ISLR2: variants seen among roughly 807,000 people sequenced by gnomAD.
ISLR2 encodes the protein immunoglobulin superfamily containing leucine rich repeat 2.
Under a neutral mutation model 25.5 loss-of-function variants are expected in ISLR2, and 16 were observed. The ratio of observed to expected loss-of-function variants is 0.63; its 90% CI spans 0.43 to 0.95. ISLR2 has a LOEUF of 0.95. Among genes scored for constraint, ISLR2 ranks in the 40% least tolerant of loss-of-function variants. ISLR2 has a pLI of 0.00. For synonymous variants in ISLR2, 508 were observed against 486.6 expected (o/e 1.04, Z -0.58); for missense variants, 883 against 1,030.7 (o/e 0.86, Z 1.96).
Position 74,133,950 on chromosome 15 carries a change from C to T in ISLR2, c.1196C>T (p.Ser399Phe). 6.2e-7 allele frequency: 1 copy of T among 1,607,638 alleles called. No homozygotes were observed. Among genetic ancestry groups the T allele is most frequent in the Non-Finnish European group, 8.5e-7 (1 of 1,177,266 alleles). Residue 399 changes from serine to phenylalanine, a missense_variant, in exon 3 of 3, where the codon TCC (serine) becomes TTC (phenylalanine). Ser to Phe is a radical substitution (Grantham distance 155, BLOSUM62 -2). This residue lies in a region of ISLR2 where 612 missense variants were observed against 642.8 expected (regional missense o/e 0.95). Transcript: ENST00000453268. ...DGQAPTSERKSTAKGRGNSVL... is the reference protein window; with the variant it reads ...DGQAPTSERKFTAKGRGNSVL... ...CAGGCCCCGACCTCTGAGCGCAAGT[C>T]CACAGCCAAGGGCCGGGGCAACAGC...
chr15:74,105,793 A>G (rs1398203685), intron 2 of ISLR2, among the ~76,000 whole-genome samples: 1 of 152,082 alleles, frequency 6.6e-6, no homozygotes, highest in African/African-American at 2.4e-5. Flanking sequence ...CAAGATGCCC[A>G]CTCCTCAGTT....
chr15:74,137,722 C>G (rs1008723456), downstream of ISLR2, among the ~76,000 whole-genome samples: 1 of 152,076 alleles, frequency 6.6e-6, no homozygotes, highest in African/African-American at 2.4e-5. Flanking sequence ...TAAAGATTCT[C>G]TCTCTCCCCT....
chr15:74,119,779 TAAAACAA>T (rs1730241564), intron 2 of ISLR2, among the ~76,000 whole-genome samples: 2 of 152,214 alleles, frequency 1.3e-5, no homozygotes, highest in Admixed American at 6.5e-5. Context: ...AATATAATGT[TAAAACAA>T]AAAACAATTG....
intron 2 of ISLR2, among the ~76,000 whole-genome samples, chr15:74,115,903 A>C (rs114032332): frequency 0.025 from 3,798 of 151,694 alleles, 158 homozygotes; most frequent in African/African-American, 0.088. Flanking sequence ...AAAAAAAAAA[A>C]AAAAACAACA....
Position 74,134,959 on chromosome 15 carries a change from G to A in ISLR2, c.2205G>A (p.Glu735=). The A allele has an allele frequency of 1.9e-6, 3 of 1,613,658 alleles. No homozygotes were observed. Among genetic ancestry groups the A allele is most frequent in the Non-Finnish European group, 2.5e-6 (3 of 1,179,950 alleles). Residue 735 remains glutamate, a synonymous_variant, in exon 3 of 3, where the codon GAG becomes GAA. Transcript: ENST00000453268. ...CCGAGGCGGTCAACATCGCCCAGGAGATTAATGGCAACTACAGGCAGACGG... is the reference window on the plus strand; with the variant it reads ...CCGAGGCGGTCAACATCGCCCAGGAAATTAATGGCAACTACAGGCAGACGG... ...LGAEAVNIAQ[E]INGNYRQTAG
downstream of ISLR2, among the ~76,000 whole-genome samples, chr15:74,141,024 T>C (rs1288578182): frequency 6.6e-6 from 1 of 152,238 alleles, no homozygotes; most frequent in African/African-American, 2.4e-5. Flanking sequence ...GGCCCCATGA[T>C]GGGCACAAAA....
At chr15:74,125,073 G>A (rs1054196599), upstream of ISLR2, among the ~76,000 whole-genome samples, 15 of 152,128 alleles carry the variant, frequency 9.9e-5, no homozygotes, top group African/African-American at 1.2e-4. Context: ...TGCCTCACCC[G>A]GCCCTACCCT....
intron 2 of ISLR2, among the ~76,000 whole-genome samples, chr15:74,121,452 A>G (rs1484526494): frequency 6.6e-6 from 1 of 152,058 alleles, no homozygotes; most frequent in Non-Finnish European, 1.5e-5. Flanking sequence ...CACCTGAGCA[A>G]TCTTTTCCTG....
chr15:74,131,967 A>T (rs1008404487), intron 2 of ISLR2: 1 of 152,202 alleles, frequency 6.6e-6, no homozygotes. Flanking sequence ...TTTCGGTCAC[A>T]GTGGAGGGCT....
intron 2 of ISLR2, among the ~76,000 whole-genome samples, chr15:74,115,862 G>C (rs2072205799): frequency 7.0e-6 from 1 of 141,866 alleles, no homozygotes; most frequent in South Asian, 2.3e-4. Flanking sequence ...ATCTGAACAT[G>C]ATGAGAAGAG....
At chr15:74,136,913 G>A (rs2072575929), downstream of ISLR2, 1 of 159,814 alleles carries the variant, frequency 6.3e-6, no homozygotes, top group Non-Finnish European at 1.5e-5. Flanking sequence ...AATCTTTTGA[G>A]TGATTTCCTG....
In ISLR2 at chr15:74,134,422, C is replaced by T. The variant is rs2072517430; in HGVS notation, c.1668C>T (p.Arg556=). Residue 556 remains arginine (R), a synonymous_variant, in exon 3 of 3, where the codon CGC becomes CGT. Transcript: ENST00000453268. ...AAGGCGTCAACGCCTACTGGTTCCG[C>T]GGCCTGCGGCCGGGTACCAACTACT... The part of the protein sequence containing the change: ...VEEGVNAYWF[R]GLRPGTNYSV... 3 of 1,610,366 alleles carry T rather than the reference C, an allele frequency of 1.9e-6. No homozygotes were observed. In the East Asian group the frequency reaches 6.7e-5, roughly 36 times the overall value.
chr15:74,120,508 A>G (rs2072244284), intron 2 of ISLR2, among the ~76,000 whole-genome samples: 2 of 145,346 alleles, frequency 1.4e-5, no homozygotes, highest in African/African-American at 5.2e-5. Flanking sequence ...GGCAATAGAG[A>G]GAGACTCCAT....
At chr15:74,113,215 C>T (rs1315866837) in intron 2 of ISLR2, among the ~76,000 whole-genome samples, 1 of 152,248 alleles carries the variant, frequency 6.6e-6, no homozygotes, top group Non-Finnish European at 1.5e-5. Context: ...TCGCTGTCCA[C>T]CACTCACTTC....
chr15:74,128,498 G>A (rs1240971148), upstream of ISLR2: 1 of 456,570 alleles, frequency 2.2e-6, no homozygotes, highest in Non-Finnish European at 4.4e-6. Flanking sequence ...AGCAAGGAAA[G>A]GGGGTCTTCC....
rs2072562607 is a variant in ISLR2, at chr15:74,136,208, C to T, written c.*1216C>T. ...TTCGTTGTCCGTGTGTTGGGCTTTC[C>T]GGAGGTCTGTGCGCCCAACAGCGCC... On this transcript the variant is annotated 3_prime_UTR_variant, in exon 3 of 3. Transcript: ENST00000453268. 4 of 166,842 alleles carry T rather than the reference C, an allele frequency of 2.4e-5. No homozygotes were observed. Among genetic ancestry groups the T allele is most frequent in the Non-Finnish European group, 5.9e-5 (4 of 68,152 alleles). 10.3% of individuals were successfully genotyped at this position (166,842 alleles called of 1,614,324 possible). A position where few individuals can be genotyped will look rare whatever the true frequency, so the allele number is the denominator to read the frequency against.
At chr15:74,102,206 G>A (rs1438028843) in intron 1 of ISLR2, among the ~76,000 whole-genome samples, 39 of 55,778 alleles carry the variant, frequency 7.0e-4, no homozygotes, top group Non-Finnish European at 1.2e-3. Context: ...TGAGCAACAA[G>A]GTGAGAAAAA....
In ISLR2 at chr15:74,135,051, A is replaced by T; in HGVS notation, c.*59A>T. On this transcript the variant is annotated 3_prime_UTR_variant, in exon 3 of 3. Transcript: ENST00000453268. ...TCCACCTAGGGTGCCTGGGAGCAGCAGTCTAGGGCTGGCAGGACTTATGTC... is the reference window on the plus strand; with the variant it reads ...TCCACCTAGGGTGCCTGGGAGCAGCTGTCTAGGGCTGGCAGGACTTATGTC... 5.1e-6 allele frequency: 8 copies of T among 1,565,752 alleles called. No individual in the cohort carries two copies. The highest frequency in any genetic ancestry group is 6.9e-6 in the Non-Finnish European group (8 of 1,153,522).
In ISLR2 at chr15:74,133,594, C is replaced by A. The variant is rs1167047530; in HGVS notation, c.840C>A (p.Thr280=). 2 of 1,614,006 alleles carry A rather than the reference C, an allele frequency of 1.2e-6. No individual in the cohort carries two copies. Among genetic ancestry groups the A allele is most frequent in the Non-Finnish European group, 8.5e-7 (1 of 1,180,020 alleles). ...GGCAACTTCAGATCCCCGGTGGCAC[C>A]GTAGTCTTAGAGCCACCGGTTCTGA... ...LQWQLQIPGG[T]VVLEPPVLSG... The change falls in exon 3 of 3, where the codon ACC becomes ACA. Residue 280 remains threonine, a synonymous_variant. Transcript: ENST00000453268.
Sources: gnomAD v4.1 joint callset for allele counts (sites outside exome capture counted in the v4.1 genomes callset) on GRCh38, gnomAD v4.1.1 for gene constraint, gnomAD v4.1.1 regional missense constraint, MANE v1.5 for transcripts, NCBI Gene and HGNC (gene_info 2026-07-23, HGNC 2026-07-21) for gene names.